The following GLDC variants were observed in gnomAD, a reference collection of about 807,000 sequenced individuals.
GLDC encodes the protein glycine dehydrogenase (decarboxylating), mitochondrial.
A neutral mutation model predicts 121.3 loss-of-function variants in GLDC; 104 were observed. The observed-to-expected ratio is 0.86, with a 90% CI of 0.73 to 1.01. The LOEUF (loss-of-function observed/expected upper bound fraction) is 1.01. Ranked by LOEUF, GLDC falls within the 50% of genes least tolerant of loss-of-function variation. The pLI, the probability that GLDC is intolerant of heterozygous loss-of-function variation, is 0.00. For synonymous variants in GLDC, 546 were observed against 480.6 expected, an observed-to-expected ratio of 1.14 and a Z score of -1.78; for missense variants, 1,429 against 1,306.6, an observed-to-expected ratio of 1.09 and a Z score of -1.44.
intron 7 of GLDC, 85 bp downstream of exon 7, chr9:6,604,503 T>C (rs933712693): frequency 7.9e-6 from 10 of 1,263,882 alleles, no homozygotes; most frequent in African/African-American, 5.9e-5. Flanking sequence ...CCCAGTTGAA[T>C]TCAGATAGAA....
intron 3 of GLDC, among the ~76,000 whole-genome samples, chr9:6,618,721 C>A (rs1023568749): frequency 2.0e-5 from 3 of 152,246 alleles, no homozygotes; most frequent in Admixed American, 6.5e-5. Context: ...GTTGTTCTAT[C>A]AGTGAGGACC....
chr9:6,541,064 C>T (rs1817248017), intron 21 of GLDC: 2 of 152,074 alleles, frequency 1.3e-5, no homozygotes, highest in South Asian at 4.2e-4. Flanking sequence ...TGCACTCCAG[C>T]CTGGGTAATA....
In GLDC at chr9:6,565,448, A is replaced by T. The variant is rs539671637; in HGVS notation, c.1851-19T>A. The T allele has an allele frequency of 1.3e-6, 2 of 1,592,134 alleles. No homozygotes were observed. The highest frequency in any genetic ancestry group is 2.2e-5 in the South Asian group (2 of 90,662). On this transcript the variant is annotated intron_variant, in intron 15 of 24. Coordinates refer to ENST00000321612, the MANE Select transcript of GLDC (RefSeq NM_000170.3). Reference sequence around the variant, plus strand: ...GGCTCCGCTTGCAAAGACAAGAAGAAAGGGATCACGGTTAGGTCTTCTGGC... The same window carrying T: ...GGCTCCGCTTGCAAAGACAAGAAGATAGGGATCACGGTTAGGTCTTCTGGC...
At chr9:6,617,192 A>G (rs899687399) in intron 3 of GLDC, among the ~76,000 whole-genome samples, 2 of 152,028 alleles carry the variant, frequency 1.3e-5, no homozygotes, top group Non-Finnish European at 2.9e-5. Flanking sequence ...AGCCCTCCCT[A>G]TCAGCGCTGG....
chr9:6,550,832 T>G lies in GLDC; in HGVS notation c.2540A>C (p.His847Pro). 6.2e-7 allele frequency: 1 copy of G among 1,613,024 alleles called. No individual in the cohort carries two copies. The highest frequency in any genetic ancestry group is 8.5e-7 in the Non-Finnish European group (1 of 1,178,972). The change falls in exon 21 of 25, where the codon CAC becomes CCC. Residue 847 changes from histidine to proline, a missense_variant. Transcript: ENST00000321612. ...TGCACCCCTGAAAAGAATTCTGTAG[T>G]GTGTTTCTAATCGCTTGGCCATGTA... Reference protein sequence around the residue: ...ANYMAKRLETHYRILFRGARG... With the variant: ...ANYMAKRLETPYRILFRGARG...
In GLDC at chr9:6,573,829, A is replaced by G. The variant is rs532232543; in HGVS notation, c.1851-8400T>C. Among the ~76,000 whole-genome samples, 15 of 152,346 alleles carry G rather than the reference A, an allele frequency of 9.8e-5. No homozygotes were observed. The East Asian group carries it at 2.9e-3, about 29-fold the overall frequency. On this transcript the variant is annotated intron_variant, in intron 15 of 24. Coordinates refer to ENST00000321612, the MANE Select transcript of GLDC (RefSeq NM_000170.3). Reference sequence around the variant, plus strand: ...CCTTCAGAGGACCACTCTCAAGAAAATAAGGGAAAAATGGGTGCAGATTCC... The same window carrying G: ...CCTTCAGAGGACCACTCTCAAGAAAGTAAGGGAAAAATGGGTGCAGATTCC...
At chr9:6,644,374 G>A (rs978715707) in intron 2 of GLDC, among the ~76,000 whole-genome samples, 1 of 151,816 alleles carries the variant, frequency 6.6e-6, no homozygotes, top group South Asian at 2.1e-4. Context: ...GCTCGCGGGG[G>A]CCCTAGGATA....
intron 15 of GLDC, among the ~76,000 whole-genome samples, chr9:6,578,696 T>C (rs959583878): frequency 1.3e-5 from 2 of 152,056 alleles, no homozygotes; most frequent in African/African-American, 2.4e-5. Context: ...CTTGCCACCA[T>C]GCTAGGCTAA....
chr9:6,638,040 C>T (rs1278062290), intron 2 of GLDC, among the ~76,000 whole-genome samples: 2 of 151,940 alleles, frequency 1.3e-5, no homozygotes, highest in Non-Finnish European at 2.9e-5. Context: ...TATACTTCGA[C>T]ATTTATCTGA....
intron 3 of GLDC, among the ~76,000 whole-genome samples, chr9:6,612,337 G>A (rs1017110020): frequency 6.6e-6 from 1 of 151,828 alleles, no homozygotes; most frequent in Non-Finnish European, 1.5e-5. Context: ...TCTCGATATT[G>A]TACTGCTTGG....
chr9:6,559,195 A>G (rs1817695282), intron 16 of GLDC, among the ~76,000 whole-genome samples: 1 of 152,174 alleles, frequency 6.6e-6, no homozygotes, highest in South Asian at 2.1e-4. Context: ...ATTAGTTTCT[A>G]TAAGAACCAT....
Position 6,604,761 on chromosome 9 carries a change from G to T in GLDC, c.885C>A (p.Asp295Glu). ...GCCTCAAGATGCACAAAGCTAAAAG[G>T]TCAGTAGCACAGCAGGCCAGGCTCT... The part of the protein sequence containing the change: ...QSGSLACCAT[D>E]LLALCILRPP... The change falls in exon 7 of 25, where the codon GAC becomes GAA. Residue 295 changes from aspartate (D) to glutamate (E), a missense_variant. Coordinates refer to ENST00000321612, the MANE Select transcript of GLDC (RefSeq NM_000170.3). 6.2e-7 allele frequency: 1 copy of T among 1,614,050 alleles called. No individual in the cohort carries two copies. The highest frequency in any genetic ancestry group is 2.2e-5 in the East Asian group (1 of 44,886).
intron 2 of GLDC, among the ~76,000 whole-genome samples, chr9:6,636,496 C>G (rs1311021933): frequency 6.6e-6 from 1 of 152,092 alleles, no homozygotes; most frequent in East Asian, 1.9e-4. Flanking sequence ...TAAAGTTGGT[C>G]GGGCAAGGTG....
intron 21 of GLDC, among the ~76,000 whole-genome samples, chr9:6,544,147 G>A (rs542331862): frequency 6.6e-6 from 1 of 152,302 alleles, no homozygotes; most frequent in South Asian, 2.1e-4. Flanking sequence ...ATCAATGCTT[G>A]GTCAAGCCTT....
chr9:6,599,066 C>A (rs926363716), intron 8 of GLDC, among the ~76,000 whole-genome samples: 1 of 151,906 alleles, frequency 6.6e-6, no homozygotes. Flanking sequence ...TGCCTGTAAT[C>A]CCAGCTACTC....
At position 6,554,044 on chromosome 9, in the gene GLDC, C is replaced by G. The variant is rs562484112; in HGVS notation, c.2316-535G>C. Among the ~76,000 whole-genome samples the G allele has an allele frequency of 3.3e-5, 5 of 152,244 alleles. No homozygotes were observed. In the South Asian group the frequency reaches 8.3e-4, roughly 25 times the overall value. ...TAAGAAGGCCAAGCTTCCAGCAACT[C>G]TGAAAACTGACTTCTTTAGCATATT... On this transcript the variant is annotated intron_variant, in intron 19 of 24. Coordinates refer to ENST00000321612, the MANE Select transcript of GLDC (RefSeq NM_000170.3).
At chr9:6,594,700 G>GCAAGC (rs1563852238) in intron 9 of GLDC, among the ~76,000 whole-genome samples, 178 of 151,072 alleles carry the variant, frequency 1.2e-3, no homozygotes, top group African/African-American at 4.0e-3. Flanking sequence ...ATTAAGCAAG[G>GCAAGC]AAGCAAGCAA....
At chr9:6,606,757 G>A in intron 4 of GLDC, 88 bp from the exon 5 acceptor site, 1 of 831,136 alleles carries the variant, frequency 1.2e-6, no homozygotes, top group Non-Finnish European at 2.1e-6. Context: ...AGTACCGAGG[G>A]TAAGTCTAAG....
In GLDC at chr9:6,602,221, G is replaced by T; in HGVS notation, c.1059-16C>A. 1.4e-6 allele frequency: 2 copies of T among 1,457,910 alleles called. No homozygotes were observed. The highest frequency in any genetic ancestry group is 1.1e-5 in the South Asian group (1 of 87,882). The allele number at this position is 1,457,910 out of a possible 1,614,324, so 90.3% of individuals were successfully genotyped here. On this transcript the variant is annotated splice_polypyrimidine_tract_variant and intron_variant, in intron 7 of 24. Transcript: ENST00000321612. ...AGTGGCATCTCTACACCAAGAATAAGGCATCCAGTTAGCACAGATAATCAC... is the reference window on the plus strand; with the variant it reads ...AGTGGCATCTCTACACCAAGAATAATGCATCCAGTTAGCACAGATAATCAC...
Sources: allele counts gnomAD v4.1 joint callset (sites outside exome capture counted in the v4.1 genomes callset), GRCh38; gene constraint gnomAD v4.1.1; transcripts MANE v1.5; gene names NCBI Gene and HGNC (gene_info 2026-07-23, HGNC 2026-07-21).